GIGYF1: variants seen among roughly 807,000 people sequenced by gnomAD.
The protein encoded by GIGYF1 is GRB10 interacting GYF protein 1, also known as GRB10-interacting GYF protein 1.
GIGYF1 carries 84 observed loss-of-function variants against 147.1 expected under a neutral mutation model. The observed-to-expected ratio is 0.57, with a 90% CI of 0.48 to 0.68. The LOEUF (loss-of-function observed/expected upper bound fraction) is 0.68, where lower values mean the gene tolerates loss of function less well. Among genes scored for constraint, GIGYF1 ranks in the 30% least tolerant of loss-of-function variants. The pLI is 0.00. For synonymous variants in GIGYF1, 752 were observed against 589.5 expected (o/e 1.28, Z -3.99); for missense variants, 1,485 against 1,393.7 (o/e 1.07, Z -1.04).
rs138402867 is a variant in GIGYF1 at position 100,690,848 on chromosome 7, G to A, written c.-1098-1293C>T. On this transcript the variant is annotated intron_variant, in intron 1 of 26. Transcript: ENST00000678049. ...CTGCCCCCTGCCAGGCGCAGCAAGG[G>A]CAGCTCTCCTAGGTGCCTCCGGCTC... Among the ~76,000 whole-genome samples the A allele has an allele frequency of 2.1e-3, 315 of 151,838 alleles. 2 individuals are homozygous for A. The highest frequency in any genetic ancestry group is 7.3e-3 in the African/African-American group (301 of 41,396).
chr7:100,685,167 G>C, intron 13 of GIGYF1, 21 bp from the exon 14 acceptor site: 2 of 1,563,208 alleles, frequency 1.3e-6, no homozygotes, highest in South Asian at 2.3e-5. Context: ...TGAGATAGGA[G>C]GTGGAAAGAA....
In GIGYF1 at chr7:100,694,222, G is replaced by T. The variant is rs1483103765; in HGVS notation, c.-1211C>A. ...GAGGGGGCGCTGGCGCTCCCGCGGC[G>T]GCCGCTCCTCTGTGTTTGTGTTTGT... On this transcript the variant is annotated 5_prime_UTR_variant, in exon 1 of 27. Coordinates refer to ENST00000678049, the MANE Select transcript of GIGYF1 (RefSeq NM_001375765.1). Among the ~76,000 whole-genome samples, 18 of 145,998 alleles carry T rather than the reference G, an allele frequency of 1.2e-4. No individual in the cohort carries two copies. The highest frequency in any genetic ancestry group is 4.4e-4 in the African/African-American group (18 of 40,726).
intron 13 of GIGYF1, 54 bp downstream of exon 13, chr7:100,685,290 A>G (rs1254912392): frequency 1.3e-6 from 2 of 1,542,696 alleles, no homozygotes; most frequent in Non-Finnish European, 1.7e-6. Flanking sequence ...AGTGGGGAGC[A>G]CTTTCTCCCA....
At chr7:100,684,364 C>A (rs1489819948) in intron 16 of GIGYF1, 27 bp from the exon 17 acceptor site, 1 of 1,594,584 alleles carries the variant, frequency 6.3e-7, no homozygotes, top group Admixed American at 1.7e-5. Context: ...TCGGCCAGTG[C>A]CCCCAGCAGG....
chr7:100,684,212 C>T (rs780327911), intron 17 of GIGYF1, 25 bp downstream of exon 17: 1 of 1,609,688 alleles, frequency 6.2e-7, no homozygotes, highest in East Asian at 2.2e-5. Flanking sequence ...GGGCCTTCTC[C>T]CAGCCCACCC....
rs1805430996 is a variant in GIGYF1 at position 100,687,103 on chromosome 7, G to A, written c.483-57C>T. ...AGTACAGCCTCCCCTGCCACCCTGT[G>A]CAACCGCCCCATGCCTTGTCCACTG... On this transcript the variant is annotated intron_variant, in intron 8 of 26. Transcript: ENST00000678049. The A allele has an allele frequency of 2.5e-6, 4 of 1,606,256 alleles. No homozygotes were observed. The East Asian group carries it at 8.9e-5, about 36-fold the overall frequency.
At chr7:100,686,502 G>C (rs966089849) in intron 10 of GIGYF1, 69 bp from the exon 11 acceptor site, 8 of 1,524,850 alleles carry the variant, frequency 5.2e-6, no homozygotes, top group African/African-American at 2.8e-5. Context: ...CTCTGCTGCA[G>C]CTCACGGAGC....
At chr7:100,683,794 G>A (rs779546140) in intron 19 of GIGYF1, 24 bp downstream of exon 19, 225 of 1,576,526 alleles carry the variant, frequency 1.4e-4, no homozygotes, top group Middle Eastern at 3.4e-4. Flanking sequence ...TGCCTTGGGG[G>A]TGGGGACCAG....
chr7:100,683,823 T>G lies in GIGYF1; in HGVS notation c.1964A>C (p.Gln655Pro), dbSNP rs1467414358. The G allele has an allele frequency of 8.9e-6, 14 of 1,575,146 alleles. No homozygotes were observed. The highest frequency in any genetic ancestry group is 1.2e-5 in the Non-Finnish European group (14 of 1,159,704). Residue 655 changes from glutamine (Q) to proline (P), a missense_variant, in exon 19 of 27, where the codon CAG (glutamine) becomes CCG (proline). Coordinates refer to ENST00000678049, the MANE Select transcript of GIGYF1 (RefSeq NM_001375765.1). Reference sequence around the variant, plus strand: ...GGACCAGTCAGGCCACACACCTGACTGTGATGAGGCTGAGGTATGTACGTC... The same window carrying G: ...GGACCAGTCAGGCCACACACCTGACGGTGATGAGGCTGAGGTATGTACGTC... Reference protein sequence around the residue: ...LWDVHTSASSQSGGEASLWDI... With the variant: ...LWDVHTSASSPSGGEASLWDI...
Position 100,688,266 on chromosome 7 carries a change from G to A in GIGYF1, c.-28C>T, listed in dbSNP as rs377074537. On this transcript the variant is annotated 5_prime_UTR_variant, in exon 4 of 27. Coordinates refer to ENST00000678049, the MANE Select transcript of GIGYF1 (RefSeq NM_001375765.1). Reference sequence around the variant, plus strand: ...TGGGGCTGGGCGTGTTTGAGAGGCCGGGGGTGGGGAGGAGGGGACCTGGCG... The same window carrying A: ...TGGGGCTGGGCGTGTTTGAGAGGCCAGGGGTGGGGAGGAGGGGACCTGGCG... 232 of 1,556,016 alleles carry A rather than the reference G, an allele frequency of 1.5e-4. 2 individuals are homozygous for A. Among genetic ancestry groups the A allele is most frequent in the Middle Eastern group, 1.5e-3 (8 of 5,500 alleles).
Position 100,686,758 on chromosome 7 carries a change from G to A in GIGYF1, c.585C>T (p.Ser195=), listed in dbSNP as rs765417669. The change falls in exon 10 of 27, where the codon AGC becomes AGT. Residue 195 remains serine (S), a synonymous_variant. Transcript: ENST00000678049. ...CCTCCCGTAGGGAGCGCCAGTTCTC[G>A]CTGTCTGAGCGGGCGTGCTCCTTCC... ...GPRKEHARSD[S]ENWRSLREEQ... 59 of 1,613,874 alleles carry A rather than the reference G, an allele frequency of 3.7e-5. No homozygotes were observed. The highest frequency in any genetic ancestry group is 1.0e-4 in the Admixed American group (6 of 60,004).
Position 100,687,862 on chromosome 7 carries a change from T to C in GIGYF1, c.187A>G (p.Lys63Glu), listed in dbSNP as rs763079330. The change falls in exon 6 of 27, where the codon AAG becomes GAG. Residue 63 changes from lysine (K) to glutamate (E), a missense_variant. Lys to Glu is a moderately conservative substitution (Grantham distance 56). Coordinates refer to ENST00000678049, the MANE Select transcript of GIGYF1 (RefSeq NM_001375765.1). ...ENKVPEELQD[K>E]EFAAVLQDEP... Reference sequence around the variant, plus strand: ...TCCTGCAGCACCGCGGCGAACTCCTTGTCCTGCAGCTCTTCCGGGACCTGG... The same window carrying C: ...TCCTGCAGCACCGCGGCGAACTCCTCGTCCTGCAGCTCTTCCGGGACCTGG... 1.2e-6 allele frequency: 2 copies of C among 1,613,362 alleles called. No individual in the cohort carries two copies. The highest frequency in any genetic ancestry group is 2.2e-5 in the East Asian group (1 of 44,882).
At position 100,683,185 on chromosome 7, in the gene GIGYF1, C is replaced by CCTG. The variant is rs757629443; in HGVS notation, c.2236_2238dup (p.Gln746dup). On this transcript the variant is annotated inframe_insertion, in exon 22 of 27. Coordinates refer to ENST00000678049, the MANE Select transcript of GIGYF1 (RefSeq NM_001375765.1). ...CTGGGTGCGGGGGGCACAGGGACCG[C>CCTG]CTGCTGCTGCTGTAGCAACTTCAGC... The CCTG allele has an allele frequency of 3.1e-6, 5 of 1,607,166 alleles. No individual in the cohort carries two copies. The South Asian group carries it at 5.5e-5, about 18-fold the overall frequency.
chr7:100,683,670 G>C (rs747232798), intron 19 of GIGYF1, 38 bp from the exon 20 acceptor site: 2 of 1,591,390 alleles, frequency 1.3e-6, no homozygotes, highest in Admixed American at 1.7e-5. Context: ...CTGCAGGTGG[G>C]CACTTGGGCC....
chr7:100,683,469 G>A (rs1466284989), intron 20 of GIGYF1, 25 bp from the exon 21 acceptor site: 2 of 1,614,204 alleles, frequency 1.2e-6, no homozygotes, highest in Admixed American at 1.7e-5. Context: ...CCATCAGAGG[G>A]GAGAGCTGCA....
intron 3 of GIGYF1, 36 bp from the exon 4 acceptor site, chr7:100,688,343 G>A (rs956550290): frequency 1.5e-4 from 158 of 1,019,904 alleles, no homozygotes; most frequent in Admixed American, 2.5e-4. Flanking sequence ...AACAGCACAC[G>A]AAGGAGAACT....
chr7:100,684,983 G>T lies in GIGYF1; in HGVS notation c.1290+66C>A, dbSNP rs752105038. 1.1e-5 allele frequency: 17 copies of T among 1,561,206 alleles called. No individual in the cohort carries two copies. In the African/African-American group the frequency reaches 2.0e-4, roughly 18 times the overall value. ...GGGATGGAGCTTGAGCTGGGGCCGG[G>T]GCTGGGGCCAAGCAGGTCAGGTCAG... On this transcript the variant is annotated intron_variant, in intron 14 of 26. Coordinates refer to ENST00000678049, the MANE Select transcript of GIGYF1 (RefSeq NM_001375765.1).
chr7:100,682,528 T>C (rs1562869573), intron 23 of GIGYF1, 46 bp from the exon 24 acceptor site: 5 of 1,599,374 alleles, frequency 3.1e-6, no homozygotes, highest in South Asian at 2.2e-5. Flanking sequence ...CTGGCAGGGG[T>C]TGGGGGGGTC....
chr7:100,685,360 C>T lies in GIGYF1; in HGVS notation c.1176G>A (p.Glu392=). ...CCTTCCTACCTTCGGCCGCTGGGGG[C>T]TCTTTCTCTGCAGTTTCGTCCCCAT... The part of the protein sequence containing the change: ...NGDGDETAEK[E]PPAAEDDIRG... Residue 392 remains glutamate (E), a synonymous_variant, in exon 13 of 27, where the codon GAG becomes GAA. Transcript: ENST00000678049. The T allele has an allele frequency of 8.8e-6, 14 of 1,598,372 alleles. No homozygotes were observed. Among genetic ancestry groups the T allele is most frequent in the Non-Finnish European group, 1.2e-5 (14 of 1,175,570 alleles).
Sources: allele counts gnomAD v4.1 joint callset (sites outside exome capture counted in the v4.1 genomes callset), GRCh38; gene constraint gnomAD v4.1.1; transcripts MANE v1.5; gene names NCBI Gene and HGNC (gene_info 2026-07-23, HGNC 2026-07-21).